AKAP19: variants seen among roughly 807,000 people sequenced by gnomAD.
The protein encoded by AKAP19 is A-kinase anchoring protein 19.
chr2:190,109,268 A>G, the AKAP19 span, among the ~76,000 whole-genome samples: 1 of 152,210 alleles, frequency 6.6e-6, no homozygotes, highest in African/African-American at 2.4e-5. Flanking sequence ...AGGTTTCACC[A>G]GTCTGTGGGT....
the AKAP19 span, among the ~76,000 whole-genome samples, chr2:189,940,140 G>T: frequency 6.6e-6 from 1 of 152,088 alleles, no homozygotes; most frequent in African/African-American, 2.4e-5. Flanking sequence ...TTAGCCTAGT[G>T]TGGTGGTGGG....
chr2:190,002,537 TATAATA>T, the AKAP19 span, among the ~76,000 whole-genome samples: 2 of 151,782 alleles, frequency 1.3e-5, no homozygotes, highest in Non-Finnish European at 2.9e-5. Context: ...AAACTTAAAG[TATAATA>T]ATAATAAATT....
the AKAP19 span, among the ~76,000 whole-genome samples, chr2:189,969,807 G>A: frequency 6.8e-6 from 1 of 148,126 alleles, no homozygotes; most frequent in Non-Finnish European, 1.5e-5. Flanking sequence ...TAGAATTATA[G>A]GTCCTTCCTT....
At chr2:190,189,830 G>A in the AKAP19 span, 7 of 152,162 alleles carry the variant, frequency 4.6e-5, no homozygotes, top group Admixed American at 4.6e-4. Flanking sequence ...CCCTTGAACT[G>A]GCAACTGGAA....
At chr2:190,031,747 A>G in the AKAP19 span, among the ~76,000 whole-genome samples, 1 of 152,196 alleles carries the variant, frequency 6.6e-6, no homozygotes, top group African/African-American at 2.4e-5. Flanking sequence ...GAGCCTTACC[A>G]TATGATAACA....
At chr2:190,199,519 A>AAGTT in the AKAP19 span, among the ~76,000 whole-genome samples, 3 of 152,170 alleles carry the variant, frequency 2.0e-5, no homozygotes, top group Admixed American at 6.5e-5. Flanking sequence ...CCTATTTTGC[A>AAGTT]AGTTGCCATT....
chr2:190,025,677 A>G, the AKAP19 span, among the ~76,000 whole-genome samples: 1 of 152,140 alleles, frequency 6.6e-6, no homozygotes, highest in African/African-American at 2.4e-5. Context: ...GCAATACCAG[A>G]CTTTGCTAAT....
chr2:189,986,195 G>C, the AKAP19 span, among the ~76,000 whole-genome samples: 1 of 152,088 alleles, frequency 6.6e-6, no homozygotes, highest in African/African-American at 2.4e-5. Context: ...ATTTTGACTA[G>C]GTGTGGCCAT....
chr2:190,072,054 C>T, the AKAP19 span, among the ~76,000 whole-genome samples: 2 of 151,986 alleles, frequency 1.3e-5, no homozygotes, highest in South Asian at 4.1e-4. Context: ...GGGTAAGAAA[C>T]AAAGCAGTAG....
the AKAP19 span, among the ~76,000 whole-genome samples, chr2:190,095,965 A>G: frequency 6.6e-6 from 1 of 152,208 alleles, no homozygotes. Flanking sequence ...GGTGGAGCCC[A>G]CAGGACAGAC....
the AKAP19 span, among the ~76,000 whole-genome samples, chr2:190,067,228 A>G: frequency 6.6e-6 from 1 of 152,320 alleles, no homozygotes; most frequent in South Asian, 2.1e-4. Context: ...CTGGAAAACT[A>G]TTGTACACAT....
the AKAP19 span, among the ~76,000 whole-genome samples, chr2:189,959,587 A>G: frequency 7.2e-5 from 11 of 152,198 alleles, no homozygotes; most frequent in African/African-American, 2.7e-4. Flanking sequence ...CTATTGATAC[A>G]TTACTAGATT....
chr2:190,091,112 T>C, the AKAP19 span: 6 of 152,236 alleles, frequency 3.9e-5, no homozygotes, highest in Admixed American at 6.5e-5. Context: ...AACTGAATTT[T>C]ACTGTTTACC....
chr2:190,108,961 TG>T, the AKAP19 span, among the ~76,000 whole-genome samples: 1 of 152,198 alleles, frequency 6.6e-6, no homozygotes, highest in Non-Finnish European at 1.5e-5. Context: ...CTGCTTTCTT[TG>T]GCTCTGATTA....
chr2:190,039,781 T>G, the AKAP19 span, among the ~76,000 whole-genome samples: 19,391 of 152,114 alleles, frequency 0.13, 2,934 homozygotes, highest in African/African-American at 0.36. Flanking sequence ...TATTTGCTTT[T>G]CTGTTCCTGT....
the AKAP19 span, among the ~76,000 whole-genome samples, chr2:189,974,017 G>T: frequency 8.5e-4 from 129 of 152,136 alleles, no homozygotes; most frequent in Admixed American, 1.8e-3. Context: ...CTTGCCTTCT[G>T]CTAGCTTTTG....
the AKAP19 span, among the ~76,000 whole-genome samples, chr2:190,007,155 G>T: frequency 6.6e-6 from 1 of 152,184 alleles, no homozygotes; most frequent in African/African-American, 2.4e-5. Context: ...GGAATGAAAT[G>T]CACTTTATCA....
At chr2:190,049,818 T>C in the AKAP19 span, among the ~76,000 whole-genome samples, 1 of 152,384 alleles carries the variant, frequency 6.6e-6, no homozygotes, top group East Asian at 1.9e-4. Flanking sequence ...TAGATAAATA[T>C]GTGTATAGCA....
the AKAP19 span, among the ~76,000 whole-genome samples, chr2:189,911,262 A>T: frequency 2.0e-5 from 3 of 152,122 alleles, no homozygotes; most frequent in Admixed American, 6.5e-5. Flanking sequence ...GTACCATTTT[A>T]TTAGGACCCA....
Sources: allele counts gnomAD v4.1 joint callset (sites outside exome capture counted in the v4.1 genomes callset), GRCh38; gene constraint gnomAD v4.1.1; transcripts MANE v1.5; gene names NCBI Gene and HGNC (gene_info 2026-07-23, HGNC 2026-07-21).